DMD: variants seen among roughly 807,000 people sequenced by gnomAD.
DMD encodes dystrophin, also known as mutant dystrophin.
In DMD, 63 loss-of-function variants were observed where a neutral mutation model predicts 330.1. The observed-to-expected ratio is 0.19, with a 90% CI of 0.16 to 0.24. The LOEUF is 0.24. Among genes scored for constraint, DMD ranks in the 10% least tolerant of loss-of-function variants. The pLI is 1.00. For synonymous variants in DMD, 1,223 were observed against 959.8 expected (o/e 1.27, Z -5.07); for missense variants, 3,344 against 2,684.1 (o/e 1.25, Z -5.43).
intron 37 of DMD, among the ~76,000 whole-genome samples, chrX:32,357,286 A>G (rs1316665585): frequency 9.0e-6 from 1 of 111,603 alleles, no homozygotes; most frequent in Admixed American, 9.5e-5. Flanking sequence ...GTATGTAATG[A>G]CTTAACTCTA....
chrX:32,412,346 A>G, intron 29 of DMD: 1 of 506,426 alleles, frequency 2.0e-6, no homozygotes, highest in Admixed American at 3.5e-5. Context: ...AGTGAGATAC[A>G]TGTACAATCT....
intron 1 of DMD, among the ~76,000 whole-genome samples, chrX:33,163,855 C>T (rs1328326547): frequency 9.1e-6 from 1 of 110,354 alleles, no homozygotes; most frequent in Non-Finnish European, 1.9e-5. Flanking sequence ...TTGTTGTCGA[C>T]TCCTCATGAG....
intron 4 of DMD, among the ~76,000 whole-genome samples, chrX:32,841,849 G>T (rs185896439): frequency 8.9e-6 from 1 of 111,764 alleles, no homozygotes; most frequent in African/African-American, 3.3e-5. Flanking sequence ...TATCCAAGTG[G>T]AGAACTTGTT....
chrX:31,678,701 T>G (rs896901282), intron 53 of DMD, among the ~76,000 whole-genome samples: 2 of 111,103 alleles, frequency 1.8e-5, no homozygotes, highest in African/African-American at 6.6e-5. Flanking sequence ...CTCACCCCCA[T>G]TTCTTGATCC....
At chrX:31,847,854 G>A (rs1420152549) in intron 48 of DMD, among the ~76,000 whole-genome samples, 6 of 111,796 alleles carry the variant, frequency 5.4e-5, no homozygotes, top group Non-Finnish European at 1.1e-4. Flanking sequence ...GTCAAACACT[G>A]TGCTTTTCAT....
At chrX:31,393,927 A>G (rs1291185883) in intron 60 of DMD, among the ~76,000 whole-genome samples, 1 of 112,431 alleles carries the variant, frequency 8.9e-6, no homozygotes, top group African/African-American at 3.2e-5. Flanking sequence ...TGTTACTGTT[A>G]GCTAAATTGC....
At chrX:32,320,155 GAGT>G (rs1206916311) in intron 41 of DMD, among the ~76,000 whole-genome samples, 2 of 111,104 alleles carry the variant, frequency 1.8e-5, no homozygotes, top group East Asian at 2.8e-4. Context: ...CTGTCAACTT[GAGT>G]AGATTTTTCA....
At chrX:32,712,100 C>T (rs1202294649) in intron 7 of DMD, among the ~76,000 whole-genome samples, 1 of 111,860 alleles carries the variant, frequency 8.9e-6, no homozygotes, top group Non-Finnish European at 1.9e-5. Context: ...ACAATGTGAA[C>T]TTCAAAATTA....
rs758972404 is a variant in DMD at position 33,308,956 on chromosome X, T to C, written c.7+30303A>G. Reference sequence around the variant, plus strand: ...TGCGAGACCACACAGTCAGTAAACATTTTATAGACAAAAGGAGAACTCTAA... The same window carrying C: ...TGCGAGACCACACAGTCAGTAAACACTTTATAGACAAAAGGAGAACTCTAA... On this transcript the variant is annotated intron_variant, in intron 1 of 17. Coordinates refer to the DMD transcript ENST00000288447. Among the ~76,000 whole-genome samples, 3 of 111,495 alleles carry C rather than the reference T, an allele frequency of 2.7e-5. No homozygotes were observed. In the East Asian group the frequency reaches 8.5e-4, roughly 31 times the overall value.
chrX:32,909,072 C>T (rs1220377389), intron 2 of DMD, among the ~76,000 whole-genome samples: 1 of 106,101 alleles, frequency 9.4e-6, no homozygotes, highest in Non-Finnish European at 1.9e-5. Context: ...ACCCTGGTAC[C>T]ATCTAACTGT....
Position 32,580,011 on chromosome X carries a change from C to CTT in DMD, c.1603-6167_1603-6166dup, listed in dbSNP as rs57730410. 2.5e-3 allele frequency among the ~76,000 whole-genome samples: 227 copies of CTT among 91,119 alleles called. 5 individuals carry two copies. The highest frequency in any genetic ancestry group is 0.021 in the Admixed American group (174 of 8,309). The allele number at this position is 91,119 out of a possible 115,157, so 79.1% of individuals were successfully genotyped here. ...TTCTTTGCAGGATATTATTTAATGT[C>CTT]TTTTTTTTTTTTTTTTGGCAGCTTA... On this transcript the variant is annotated intron_variant, in intron 13 of 78. Coordinates refer to ENST00000357033, the MANE Select transcript of DMD (RefSeq NM_004006.3).
At chrX:32,869,938 C>A (rs1288420101) in intron 2 of DMD, among the ~76,000 whole-genome samples, 6 of 109,071 alleles carry the variant, frequency 5.5e-5, no homozygotes, top group Non-Finnish European at 1.1e-4. Flanking sequence ...CATTCCTATT[C>A]AACACTGTAT....
At chrX:33,279,005 C>A (rs1455156564) in intron 1 of DMD, among the ~76,000 whole-genome samples, 1 of 111,247 alleles carries the variant, frequency 9.0e-6, no homozygotes, top group East Asian at 2.8e-4. Context: ...TAGTGTTAGA[C>A]CGATCACTGA....
intron 7 of DMD, among the ~76,000 whole-genome samples, chrX:32,719,048 C>G (rs1241253752): frequency 9.0e-6 from 1 of 111,496 alleles, no homozygotes; most frequent in Non-Finnish European, 1.9e-5. Flanking sequence ...TATAGTTACT[C>G]AACTAGAGAA....
At chrX:32,484,673 C>G (rs779630563) in intron 21 of DMD, among the ~76,000 whole-genome samples, 1 of 111,739 alleles carries the variant, frequency 8.9e-6, no homozygotes, top group African/African-American at 3.2e-5. Context: ...TCTACAATCC[C>G]CCAAGGAGAA....
chrX:31,795,692 C>A lies in DMD; in HGVS notation c.7310-21500G>T, dbSNP rs887188192. 3.6e-5 allele frequency among the ~76,000 whole-genome samples: 4 copies of A among 111,849 alleles called. No homozygotes were observed. In the Admixed American group the frequency reaches 3.8e-4, roughly 11 times the overall value. On this transcript the variant is annotated intron_variant, in intron 50 of 78. Coordinates refer to ENST00000357033, the MANE Select transcript of DMD (RefSeq NM_004006.3). ...GCATCTTAACTATTAAATATGTCAC[C>A]AGGGTAACATAAATATGCCAACAAT...
chrX:33,212,056 T>A (rs189991099), upstream of DMD, among the ~76,000 whole-genome samples: 261 of 112,433 alleles, frequency 2.3e-3, 1 homozygote, highest in African/African-American at 8.0e-3. Context: ...ACAGTCTGAA[T>A]AAGAGAAGCA....
intron 74 of DMD, among the ~76,000 whole-genome samples, chrX:31,164,236 G>A (rs983064119): frequency 4.5e-5 from 5 of 111,460 alleles, no homozygotes; most frequent in East Asian, 2.8e-4. Flanking sequence ...GTGAGCTGGC[G>A]ACTCACAGTC....
intron 45 of DMD, among the ~76,000 whole-genome samples, chrX:31,937,698 C>T (rs2094941291): frequency 8.9e-6 from 1 of 111,841 alleles, no homozygotes; most frequent in South Asian, 3.6e-4. Context: ...CATTTCCAGG[C>T]TTGTCTCTTG....
Sources: allele counts gnomAD v4.1 joint callset (sites outside exome capture counted in the v4.1 genomes callset), GRCh38; gene constraint gnomAD v4.1.1; transcripts MANE v1.5; gene names NCBI Gene and HGNC (gene_info 2026-07-23, HGNC 2026-07-21).